DPYD: variants seen among roughly 807,000 people sequenced by gnomAD.
DPYD encodes the protein dihydropyrimidine dehydrogenase [NADP(+)].
In DPYD, 109 loss-of-function variants were observed where a neutral mutation model predicts 116.2. The observed-to-expected ratio is 0.94, with a 90% CI of 0.80 to 1.10. DPYD has a LOEUF of 1.10. Ranked by LOEUF, DPYD falls within the 50% of genes least tolerant of loss-of-function variation. DPYD has a pLI of 0.00. For synonymous variants in DPYD, 440 were observed against 432.0 expected, an observed-to-expected ratio of 1.02 and a Z score of -0.23; for missense variants, 1,302 against 1,254.5, an observed-to-expected ratio of 1.04 and a Z score of -0.57.
intron 20 of DPYD, among the ~76,000 whole-genome samples, chr1:97,114,485 C>T (rs1339310160): frequency 6.6e-6 from 1 of 152,064 alleles, no homozygotes; most frequent in African/African-American, 2.4e-5. Flanking sequence ...AATGATTTCC[C>T]TCTTGTATTT....
chr1:97,484,047 G>C (rs1678474805), intron 13 of DPYD, among the ~76,000 whole-genome samples: 1 of 152,220 alleles, frequency 6.6e-6, no homozygotes, highest in Non-Finnish European at 1.5e-5. Context: ...GCTCACGTCT[G>C]TAATCACAGC....
intron 15 of DPYD, among the ~76,000 whole-genome samples, chr1:97,373,936 T>C (rs1343985385): frequency 1.3e-5 from 2 of 152,368 alleles, no homozygotes; most frequent in East Asian, 3.9e-4. Flanking sequence ...TGTATTATTA[T>C]GCTACCAAGT....
rs577637015 is a variant in DPYD, at chr1:97,480,778, C to G, written c.1741-30555G>C. ...TGCAGATCACCTGAGGTCAGGAGTT[C>G]AAGACCAGCCTGGCCAACATGGTGA... On this transcript the variant is annotated intron_variant, in intron 13 of 22. Transcript: ENST00000370192. Among the ~76,000 whole-genome samples, 5 of 152,234 alleles carry G rather than the reference C, an allele frequency of 3.3e-5. No individual in the cohort carries two copies. The South Asian group carries it at 1.0e-3, about 32-fold the overall frequency.
intron 8 of DPYD, among the ~76,000 whole-genome samples, chr1:97,663,145 C>G (rs573905467): frequency 6.6e-6 from 1 of 152,268 alleles, no homozygotes; most frequent in African/African-American, 2.4e-5. Flanking sequence ...GCCAAGGATA[C>G]CAAATCTACC....
chr1:97,670,393 C>T (rs944446262), intron 8 of DPYD, among the ~76,000 whole-genome samples: 1 of 152,112 alleles, frequency 6.6e-6, no homozygotes, highest in African/African-American at 2.4e-5. Context: ...GAAGGTGGGG[C>T]CCCCATCATG....
chr1:97,213,147 A>T (rs1194193042), intron 19 of DPYD, among the ~76,000 whole-genome samples: 1 of 152,090 alleles, frequency 6.6e-6, no homozygotes, highest in African/African-American at 2.4e-5. Context: ...CTGACCTATC[A>T]AACCTTTGAC....
chr1:97,375,600 G>A (rs947546564), intron 15 of DPYD, among the ~76,000 whole-genome samples: 2 of 152,158 alleles, frequency 1.3e-5, no homozygotes, highest in African/African-American at 4.8e-5. Context: ...GAGCATGGAT[G>A]AGCACAGCCT....
chr1:97,400,980 T>C (rs1431049435), intron 14 of DPYD, among the ~76,000 whole-genome samples: 1 of 152,114 alleles, frequency 6.6e-6, no homozygotes, highest in Non-Finnish European at 1.5e-5. Context: ...GAATTTGGTG[T>C]TGTCAGTGTT....
chr1:97,654,781 T>C (rs1002350406), intron 8 of DPYD, among the ~76,000 whole-genome samples: 1 of 152,098 alleles, frequency 6.6e-6, no homozygotes, highest in Non-Finnish European at 1.5e-5. Flanking sequence ...CCGATAAACA[T>C]ATACCTGAGA....
At chr1:97,759,794 A>T (rs527290164) in intron 3 of DPYD, among the ~76,000 whole-genome samples, 20 of 152,172 alleles carry the variant, frequency 1.3e-4, no homozygotes, top group Non-Finnish European at 2.8e-4. Flanking sequence ...TTTCCTAGAT[A>T]CTTACAATGG....
chr1:97,528,424 TAA>T lies in DPYD; in HGVS notation c.1525-12485_1525-12484del, dbSNP rs1291047874. On this transcript the variant is annotated intron_variant, in intron 12 of 22. Coordinates refer to ENST00000370192, the MANE Select transcript of DPYD (RefSeq NM_000110.4). Reference sequence around the variant, plus strand: ...TGAGCATAAAATAAGACTAGAAAATTAAATAATATTAATTGGCTCCATGGCAT... The same window carrying T: ...TGAGCATAAAATAAGACTAGAAAATTATAATATTAATTGGCTCCATGGCAT... Among the ~76,000 whole-genome samples, 6 of 152,240 alleles carry T rather than the reference TAA, an allele frequency of 3.9e-5. No individual in the cohort carries two copies. In the East Asian group the frequency reaches 1.2e-3, roughly 29 times the overall value.
intron 10 of DPYD, among the ~76,000 whole-genome samples, chr1:97,583,790 T>C (rs1653880656): frequency 1.3e-5 from 2 of 152,040 alleles, no homozygotes; most frequent in African/African-American, 2.4e-5. Flanking sequence ...TAAAATAAAA[T>C]GTGTACTTAT....
intron 19 of DPYD, among the ~76,000 whole-genome samples, chr1:97,210,579 T>A (rs975773365): frequency 5.9e-5 from 9 of 152,138 alleles, no homozygotes; most frequent in African/African-American, 1.7e-4. Flanking sequence ...CTATGAGGCA[T>A]TCTTAAGAAG....
intron 19 of DPYD, among the ~76,000 whole-genome samples, chr1:97,231,580 C>T (rs891403250): frequency 1.3e-5 from 2 of 152,096 alleles, no homozygotes; most frequent in Non-Finnish European, 2.9e-5. Flanking sequence ...GAAAGACCTG[C>T]CCCCATGATT....
At position 97,234,965 on chromosome 1, in the gene DPYD, C is replaced by T. The variant is rs672601276; in HGVS notation, c.2329G>A (p.Ala777Thr). ...GTAIRPIALR[A>T]VTSIARALPG... ...AGAGCACGAGCAATGGAGGTCACAG[C>T]TCTCAAAGCAATAGGTCTGATTGCT... Residue 777 changes from alanine to threonine, a missense_variant, in exon 19 of 23, where the codon GCT becomes ACT. Physicochemically the swap from Ala to Thr is moderately conservative, Grantham distance 58 (BLOSUM62 0). Transcript: ENST00000370192. 1 of 1,614,038 alleles carries T rather than the reference C, an allele frequency of 6.2e-7. No individual in the cohort carries two copies. Among genetic ancestry groups the T allele is most frequent in the Admixed American group, 1.7e-5 (1 of 60,016 alleles).
intron 14 of DPYD, among the ~76,000 whole-genome samples, chr1:97,445,416 C>A (rs902738828): frequency 6.6e-6 from 1 of 152,072 alleles, no homozygotes; most frequent in Non-Finnish European, 1.5e-5. Flanking sequence ...CATTAAGACC[C>A]CTTCATGCAT....
chr1:97,251,660 TAC>T (rs530109544), intron 18 of DPYD, among the ~76,000 whole-genome samples: 1 of 151,502 alleles, frequency 6.6e-6, no homozygotes, highest in Non-Finnish European at 1.5e-5. Context: ...AACATACACA[TAC>T]ACACACACAC....
chr1:97,330,665 A>G (rs1392740712), intron 16 of DPYD, among the ~76,000 whole-genome samples: 2 of 152,194 alleles, frequency 1.3e-5, no homozygotes, highest in African/African-American at 4.8e-5. Flanking sequence ...GAGTGGCTGT[A>G]AGGGTGTGGT....
chr1:97,810,772 G>A (rs1199367105), intron 3 of DPYD, among the ~76,000 whole-genome samples: 2 of 151,902 alleles, frequency 1.3e-5, no homozygotes, highest in Admixed American at 6.6e-5. Flanking sequence ...CTACAATTAT[G>A]GTGATATATC....
Sources: allele counts gnomAD v4.1 joint callset (sites outside exome capture counted in the v4.1 genomes callset), GRCh38; gene constraint gnomAD v4.1.1; transcripts MANE v1.5; gene names NCBI Gene and HGNC (gene_info 2026-07-23, HGNC 2026-07-21).